Variants in ROBO2 observed in about 807,000 individuals in gnomAD.
ROBO2 encodes roundabout homolog 2.
ROBO2 carries 53 observed loss-of-function variants against 160.8 expected under a neutral mutation model. That is an observed-to-expected ratio of 0.33 (90% CI 0.26 to 0.41). The LOEUF is 0.41. Among genes scored for constraint, ROBO2 ranks in the 10% least tolerant of loss-of-function variants. ROBO2 has a pLI of 1.00. For missense variants in ROBO2, 1,577 were observed against 1,722.4 expected, an observed-to-expected ratio of 0.92 and a Z score of 1.49; for synonymous variants, 664 against 611.7, an observed-to-expected ratio of 1.09 and a Z score of -1.26.
chr3:77,379,751 C>T (rs150922265), intron 2 of ROBO2, among the ~76,000 whole-genome samples: 81 of 152,304 alleles, frequency 5.3e-4, no homozygotes, highest in Non-Finnish European at 1.0e-3. Flanking sequence ...TTCACTCCCG[C>T]AGAGCTTGCT....
At chr3:76,066,525 G>A (rs1216459711) in intron 2 of ROBO2, among the ~76,000 whole-genome samples, 3 of 151,762 alleles carry the variant, frequency 2.0e-5, no homozygotes, top group Non-Finnish European at 4.4e-5. Context: ...AAAAACAGAC[G>A]TTTATTGAAC....
chr3:76,499,691 A>T (rs2080355044), intron 2 of ROBO2, among the ~76,000 whole-genome samples: 2 of 152,246 alleles, frequency 1.3e-5, no homozygotes, highest in Non-Finnish European at 2.9e-5. Flanking sequence ...AGTCAGAGTT[A>T]GCAAATGTGA....
intron 2 of ROBO2, among the ~76,000 whole-genome samples, chr3:76,653,068 T>C (rs1346336666): frequency 6.6e-6 from 1 of 152,088 alleles, no homozygotes; most frequent in African/African-American, 2.4e-5. Flanking sequence ...TGACACCATT[T>C]TGCTTTTTTT....
At position 77,558,066 on chromosome 3, in the gene ROBO2, T is replaced by A. The variant is rs184283102; in HGVS notation, c.1354T>A (p.Leu452Ile). 95 of 1,613,220 alleles carry A rather than the reference T, an allele frequency of 5.9e-5. No homozygotes were observed. The highest frequency in any genetic ancestry group is 4.5e-4 in the Admixed American group (27 of 59,896). Residue 452 changes from leucine to isoleucine, a missense_variant, in exon 9 of 26, where the codon TTA becomes ATA. Leu to Ile is a conservative substitution (Grantham distance 5, BLOSUM62 2). Around this residue, in one of 2 missense-constraint regions of ROBO2, gnomAD observed 940 missense variants for 1,135.5 expected, o/e 0.83. Transcript: ENST00000461745. ...TGATCCTCTTCCTGTAATTAGCTGG[T>A]TAAAGGAGGGATTTACTTTTCCGGG... is the stretch of plus-strand genomic sequence containing the variant.
At chr3:75,921,808 T>G (rs2106836972) in intron 1 of ROBO2, among the ~76,000 whole-genome samples, 1 of 152,326 alleles carries the variant, frequency 6.6e-6, no homozygotes, top group Non-Finnish European at 1.5e-5. Context: ...ACTCAGTATC[T>G]GGCACAATGT....
intron 2 of ROBO2, among the ~76,000 whole-genome samples, chr3:76,007,358 A>G (rs2066052573): frequency 6.6e-6 from 1 of 152,178 alleles, no homozygotes; most frequent in African/African-American, 2.4e-5. Flanking sequence ...CACAGCTTCC[A>G]GGTAAAGTAA....
intron 2 of ROBO2, among the ~76,000 whole-genome samples, chr3:76,714,620 C>T (rs1361597616): frequency 6.6e-6 from 1 of 152,134 alleles, no homozygotes; most frequent in Non-Finnish European, 1.5e-5. Context: ...TAGATAGTGA[C>T]TAGGGGACCC....
intron 2 of ROBO2, among the ~76,000 whole-genome samples, chr3:76,279,340 T>C (rs1471486308): frequency 6.6e-6 from 1 of 151,806 alleles, no homozygotes; most frequent in Non-Finnish European, 1.5e-5. Context: ...ATTTAATTTA[T>C]TGCACCATGT....
At position 76,672,912 on chromosome 3, in the gene ROBO2, T is replaced by C. The variant is rs1488205903; in HGVS notation, c.110-425102T>C. ...GCTTTTCTAATGTGTTATATTTTCA[T>C]TTAATTTTAATATTGATTGTATTCT... On this transcript the variant is annotated intron_variant, in intron 2 of 26. Transcript: ENST00000487694. 2.0e-5 allele frequency among the ~76,000 whole-genome samples: 3 copies of C among 151,914 alleles called. 1 individual carries two copies. The highest frequency in any genetic ancestry group is 4.2e-4 in the South Asian group (2 of 4,720).
chr3:77,100,017 C>T (rs949585649), intron 2 of ROBO2, among the ~76,000 whole-genome samples: 13 of 151,750 alleles, frequency 8.6e-5, no homozygotes, highest in Admixed American at 3.9e-4. Flanking sequence ...TGTTTAAATC[C>T]TTAACAAAAT....
At chr3:76,123,815 C>T (rs1435185444) in intron 2 of ROBO2, among the ~76,000 whole-genome samples, 1 of 152,078 alleles carries the variant, frequency 6.6e-6, no homozygotes, top group East Asian at 1.9e-4. Context: ...CACCTTGATC[C>T]CTACTGCTTC....
intron 2 of ROBO2, among the ~76,000 whole-genome samples, chr3:77,351,989 C>A (rs746286599): frequency 5.3e-5 from 8 of 151,432 alleles, no homozygotes; most frequent in Non-Finnish European, 8.8e-5. Flanking sequence ...GGAGATATAC[C>A]TAATGCTAAA....
At chr3:76,217,683 C>T (rs1190371868) in intron 2 of ROBO2, among the ~76,000 whole-genome samples, 6 of 152,044 alleles carry the variant, frequency 3.9e-5, no homozygotes, top group Admixed American at 3.9e-4. Context: ...AGCTTACCAA[C>T]CAAAAAAATC....
intron 2 of ROBO2, among the ~76,000 whole-genome samples, chr3:76,983,183 G>A (rs1323388145): frequency 6.6e-6 from 1 of 152,146 alleles, no homozygotes; most frequent in Non-Finnish European, 1.5e-5. Context: ...TACTCAGGAG[G>A]CTGAGGCAGG....
In ROBO2 at chr3:76,618,864, A is replaced by G. The variant is rs1430908865; in HGVS notation, c.110-479150A>G. Among the ~76,000 whole-genome samples the G allele has an allele frequency of 2.6e-5, 4 of 151,764 alleles. 1 individual carries two copies. Among genetic ancestry groups the G allele is most frequent in the Admixed American group, 6.6e-5 (1 of 15,266 alleles). On this transcript the variant is annotated intron_variant, in intron 2 of 26. Coordinates refer to the ROBO2 transcript ENST00000487694. Reference sequence around the variant, plus strand: ...TTTACTATGTCACTATATTATTTGAATAGATTGATAGGAGAGCCCACAAGA... The same window carrying G: ...TTTACTATGTCACTATATTATTTGAGTAGATTGATAGGAGAGCCCACAAGA...
intron 2 of ROBO2, among the ~76,000 whole-genome samples, chr3:77,104,023 A>T (rs373586371): frequency 6.6e-5 from 10 of 152,334 alleles, no homozygotes; most frequent in South Asian, 4.1e-4. Context: ...AAAAAGATCA[A>T]TCCATAGAGA....
Position 77,640,151 on chromosome 3 carries a change from C to G in ROBO2, c.3935-4553C>G, listed in dbSNP as rs143213492. 1.8e-4 allele frequency among the ~76,000 whole-genome samples: 23 copies of G among 125,460 alleles called. No individual in the cohort carries two copies. The South Asian group carries it at 4.2e-3, about 23-fold the overall frequency. 82.3% of individuals were successfully genotyped at this position (125,460 alleles called of 152,430 possible). A position where few individuals can be genotyped will look rare whatever the true frequency, so the allele number is the denominator to read the frequency against. On this transcript the variant is annotated intron_variant, in intron 24 of 25. Transcript: ENST00000461745. ...TTTTGAGACGGAGTCTCGCTCTATC[C>G]GCCAGGCTGGAGTACAGTGGGGCGA...
intron 2 of ROBO2, among the ~76,000 whole-genome samples, chr3:75,938,659 A>T (rs2107034579): frequency 6.6e-6 from 1 of 152,284 alleles, no homozygotes; most frequent in East Asian, 1.9e-4. Flanking sequence ...AACACTTTTT[A>T]AAAGATCCTT....
rs540620401 is a variant in ROBO2, at chr3:76,525,298, A to T, written c.110-572716A>T. Among the ~76,000 whole-genome samples the T allele has an allele frequency of 1.4e-4, 21 of 152,044 alleles. No individual in the cohort carries two copies. The South Asian group carries it at 3.1e-3, about 23-fold the overall frequency. On this transcript the variant is annotated intron_variant, in intron 2 of 26. Transcript: ENST00000487694. ...TTGGCTTTCAATTTTTCCATAGATG[A>T]TAAGATGAAGGATGATCTTCTTGGT...
Sources: allele counts gnomAD v4.1 joint callset (sites outside exome capture counted in the v4.1 genomes callset), GRCh38; gene constraint gnomAD v4.1.1; regional missense constraint gnomAD v4.1.1; transcripts MANE v1.5; gene names NCBI Gene and HGNC (gene_info 2026-07-23, HGNC 2026-07-21).